SOX6: variants seen among roughly 807,000 people sequenced by gnomAD.
SOX6 encodes the protein SRY-box transcription factor 6.
SOX6 carries 11 observed loss-of-function variants against 97.8 expected under a neutral mutation model. The observed-to-expected ratio is 0.11, with a 90% CI of 0.07 to 0.19. The LOEUF (loss-of-function observed/expected upper bound fraction) is 0.19, where lower values mean the gene tolerates loss of function less well. Ranked by LOEUF, SOX6 falls within the 10% of genes least tolerant of loss-of-function variation. SOX6 has a pLI of 1.00. For missense variants in SOX6, 810 were observed against 1,039.5 expected, an observed-to-expected ratio of 0.78 and a Z score of 3.04; for synonymous variants, 360 against 371.4, an observed-to-expected ratio of 0.97 and a Z score of 0.35.
At chr11:16,654,740 TC>T (rs1159490301) in intron 3 of SOX6, among the ~76,000 whole-genome samples, 1 of 152,252 alleles carries the variant, frequency 6.6e-6, no homozygotes, top group East Asian at 1.9e-4. Context: ...TCTTCTAGCA[TC>T]TATTATCATT....
intron 4 of SOX6, among the ~76,000 whole-genome samples, chr11:16,487,204 A>C (rs1860449892): frequency 6.6e-6 from 1 of 152,152 alleles, no homozygotes; most frequent in Non-Finnish European, 1.5e-5. Context: ...TGATTTTTTA[A>C]AATATAAGGA....
chr11:16,344,659 C>T (rs895008804), intron 1 of SOX6, among the ~76,000 whole-genome samples: 5 of 151,934 alleles, frequency 3.3e-5, no homozygotes, highest in African/African-American at 1.2e-4. Flanking sequence ...TCATCCCCAA[C>T]ATATTAAAAC....
intron 6 of SOX6, among the ~76,000 whole-genome samples, chr11:16,159,469 T>G (rs1850686827): frequency 1.3e-5 from 2 of 152,166 alleles, no homozygotes; most frequent in Non-Finnish European, 2.9e-5. Flanking sequence ...AATATTTTTA[T>G]TTGGCCTTAT....
At chr11:16,251,835 T>C (rs1328563092) in intron 3 of SOX6, among the ~76,000 whole-genome samples, 2 of 152,052 alleles carry the variant, frequency 1.3e-5, no homozygotes, top group Non-Finnish European at 2.9e-5. Context: ...TCTGACAATA[T>C]ATAAAAGGAC....
At chr11:16,008,834 C>T (rs1854632126) in intron 13 of SOX6, among the ~76,000 whole-genome samples, 1 of 152,080 alleles carries the variant, frequency 6.6e-6, no homozygotes, top group Admixed American at 6.6e-5. Flanking sequence ...TTGTGATACT[C>T]ATACAACAGA....
rs114194407 is a variant in SOX6, at chr11:16,586,352, G to A, written n.609+25729C>T. 7.8e-3 allele frequency among the ~76,000 whole-genome samples: 1,192 copies of A among 152,234 alleles called. 14 individuals are homozygous for A. The highest frequency in any genetic ancestry group is 0.027 in the African/African-American group (1,138 of 41,546). On this transcript the variant is annotated intron_variant and non_coding_transcript_variant, in intron 4 of 5. Transcript: ENST00000524520. ...AAGAAAAAAAGGAAAGAAAACAAGT[G>A]TTTCTGTCTAAATACAGAGAGAGAC...
At chr11:16,713,839 A>T (rs1185913367) in intron 3 of SOX6, among the ~76,000 whole-genome samples, 1 of 152,156 alleles carries the variant, frequency 6.6e-6, no homozygotes, top group African/African-American at 2.4e-5. Context: ...AAATCATCTC[A>T]AGTTGCTCCT....
At chr11:16,238,892 A>T (rs943118164) in intron 3 of SOX6, among the ~76,000 whole-genome samples, 12 of 152,276 alleles carry the variant, frequency 7.9e-5, no homozygotes, top group Non-Finnish European at 1.6e-4. Flanking sequence ...ACTTTGAGAA[A>T]ATAGTAAAGC....
chr11:16,142,925 C>G (rs1050149526), intron 6 of SOX6, among the ~76,000 whole-genome samples: 1 of 152,126 alleles, frequency 6.6e-6, no homozygotes, highest in Non-Finnish European at 1.5e-5. Context: ...GGAAAACACT[C>G]TGCAGGATAT....
rs181275003 is a variant in SOX6 at position 16,273,748 on chromosome 11, A to G, written c.446-39077T>C. ...AAAAACAGGTAGATACAAATGTTATAGAAATTTGGGAATACTACACTCCTA... is the reference window on the plus strand; with the variant it reads ...AAAAACAGGTAGATACAAATGTTATGGAAATTTGGGAATACTACACTCCTA... On this transcript the variant is annotated intron_variant, in intron 3 of 15. Coordinates refer to ENST00000683767, the MANE Select transcript of SOX6 (RefSeq NM_001367873.1). Among the ~76,000 whole-genome samples the G allele has an allele frequency of 1.7e-3, 262 of 152,210 alleles. 2 individuals are homozygous for G. The highest frequency in any genetic ancestry group is 0.011 in the South Asian group (55 of 4,828).
chr11:16,535,773 G>A (rs951705076), intron 4 of SOX6, among the ~76,000 whole-genome samples: 7 of 152,098 alleles, frequency 4.6e-5, no homozygotes, highest in African/African-American at 1.7e-4. Context: ...CTAAGACCTA[G>A]GCATTGGTTA....
At chr11:16,475,796 T>TA (rs1002766614) in intron 1 of SOX6, among the ~76,000 whole-genome samples, 9 of 151,584 alleles carry the variant, frequency 5.9e-5, no homozygotes, top group African/African-American at 1.5e-4. Flanking sequence ...CTAATTTGCT[T>TA]AAAAAAAAAT....
At chr11:16,551,963 T>C (rs1847692433) in intron 4 of SOX6, among the ~76,000 whole-genome samples, 2 of 152,188 alleles carry the variant, frequency 1.3e-5, no homozygotes. Context: ...ATGTCTTAGA[T>C]TAACAATTCA....
At chr11:16,005,804 A>AT (rs1854536269) in intron 13 of SOX6, among the ~76,000 whole-genome samples, 1 of 152,026 alleles carries the variant, frequency 6.6e-6, no homozygotes, top group Non-Finnish European at 1.5e-5. Flanking sequence ...GGGATATTAC[A>AT]TTTTTGTTCA....
intron 15 of SOX6, among the ~76,000 whole-genome samples, chr11:15,974,271 C>T (rs1395779110): frequency 1.3e-5 from 2 of 151,292 alleles, no homozygotes; most frequent in Admixed American, 6.6e-5. Flanking sequence ...CACATTATCA[C>T]TGAAACTTTC....
At chr11:16,337,542 A>G (rs1299679529) in intron 2 of SOX6, among the ~76,000 whole-genome samples, 2 of 152,148 alleles carry the variant, frequency 1.3e-5, no homozygotes, top group African/African-American at 4.8e-5. Flanking sequence ...ACAAAAGCAC[A>G]TTTTAGTGGA....
rs1003322049 is a variant in SOX6, at chr11:15,970,646, A to C, written c.*2163T>G. ...TCCCCAACCAACATGAATAACAAAGAGTTCCTATCAGTACCTTAATCAGCT... is the reference window on the plus strand; with the variant it reads ...TCCCCAACCAACATGAATAACAAAGCGTTCCTATCAGTACCTTAATCAGCT... On this transcript the variant is annotated 3_prime_UTR_variant, in exon 16 of 16. Coordinates refer to ENST00000683767, the MANE Select transcript of SOX6 (RefSeq NM_001367873.1). The C allele has an allele frequency of 6.6e-6, 1 of 152,660 alleles. No individual in the cohort carries two copies. Among genetic ancestry groups the C allele is most frequent in the Non-Finnish European group, 1.5e-5 (1 of 68,036 alleles). The allele number at this position is 152,660 out of a possible 1,614,324, so 9.5% of individuals were successfully genotyped here.
At chr11:16,697,399 C>T (rs960228384) in intron 3 of SOX6, among the ~76,000 whole-genome samples, 4 of 152,112 alleles carry the variant, frequency 2.6e-5, no homozygotes, top group Middle Eastern at 3.4e-3. Context: ...TTGGGGAGGC[C>T]GAGGTGGGTG....
At chr11:16,578,681 G>A (rs765881989) in intron 4 of SOX6, among the ~76,000 whole-genome samples, 6 of 152,074 alleles carry the variant, frequency 3.9e-5, no homozygotes, top group Non-Finnish European at 8.8e-5. Context: ...AAAATACAAA[G>A]TTTGAAAGCT....
Sources: allele counts gnomAD v4.1 joint callset (sites outside exome capture counted in the v4.1 genomes callset), GRCh38; gene constraint gnomAD v4.1.1; transcripts MANE v1.5; gene names NCBI Gene and HGNC (gene_info 2026-07-23, HGNC 2026-07-21).